Variants in PWWP2B observed in about 807,000 individuals in gnomAD.
The protein encoded by PWWP2B is PWWP domain-containing protein 2B.
A neutral mutation model predicts 15.5 loss-of-function variants in PWWP2B; 9 were observed. The ratio of observed to expected loss-of-function variants is 0.58; its 90% CI spans 0.35 to 1.02. PWWP2B has a LOEUF of 1.02. PWWP2B is among the 50% of genes least tolerant of loss of function. The pLI is 0.02. For missense variants in PWWP2B, 864 were observed against 865.3 expected (o/e 1.00, Z 0.02); for synonymous variants, 474 against 403.6 (o/e 1.17, Z -2.09).
At chr10:132,400,324 G>C (rs74163904) in intron 1 of PWWP2B, among the ~76,000 whole-genome samples, 7,352 of 152,238 alleles carry the variant, frequency 0.048, 591 homozygotes, top group African/African-American at 0.17. Context: ...GGTAAGGAGG[G>C]TGTGGGGTGG....
intron 2 of PWWP2B, among the ~76,000 whole-genome samples, chr10:132,408,604 C>A (rs1190257345): frequency 6.6e-6 from 1 of 152,240 alleles, no homozygotes; most frequent in East Asian, 1.9e-4. Flanking sequence ...CTGGCCCCAG[C>A]CGCTCCTGCA....
At chr10:132,411,883 A>G (rs2069786728) in intron 2 of PWWP2B, among the ~76,000 whole-genome samples, 1 of 152,104 alleles carries the variant, frequency 6.6e-6, no homozygotes, top group African/African-American at 2.4e-5. Context: ...TCTAAATAAA[A>G]ACGCTCTTCT....
intron 1 of PWWP2B, among the ~76,000 whole-genome samples, chr10:132,401,649 T>G (rs1418428872): frequency 6.6e-6 from 1 of 152,212 alleles, no homozygotes; most frequent in Non-Finnish European, 1.5e-5. Context: ...CGTCCCAGGG[T>G]CCAGGATAAG....
At position 132,405,310 on chromosome 10, in the gene PWWP2B, C is replaced by G; in HGVS notation, c.810C>G (p.Pro270=). 6.2e-7 allele frequency: 1 copy of G among 1,612,222 alleles called. No homozygotes were observed. The highest frequency in any genetic ancestry group is 8.5e-7 in the Non-Finnish European group (1 of 1,179,732). The part of the protein sequence containing the change: ...PQGKGEVVKI[P]SRVHGSLEPF... Reference sequence around the variant, plus strand: ...GCAAGGGAGAGGTGGTCAAGATCCCCTCCCGCGTGCACGGCTCTCTGGAGC... The same window carrying G: ...GCAAGGGAGAGGTGGTCAAGATCCCGTCCCGCGTGCACGGCTCTCTGGAGC... The change falls in exon 2 of 3, where the codon CCC becomes CCG. Residue 270 remains proline, a synonymous_variant. Transcript: ENST00000305233.
At chr10:132,397,386 T>A in intron 1 of PWWP2B, 35 bp downstream of exon 1, 1 of 1,188,292 alleles carries the variant, frequency 8.4e-7, no homozygotes, top group Non-Finnish European at 1.1e-6. Flanking sequence ...ACCCCCGGGG[T>A]CCCCACGCGA....
In PWWP2B at chr10:132,397,371, G is replaced by T; in HGVS notation, c.125+20G>T. ...GAAAAAGTGAGCGGGGGCGCGGGCC[G>T]GGACACCCCCGGGGTCCCCACGCGA... On this transcript the variant is annotated intron_variant, in intron 1 of 2. Transcript: ENST00000305233. 7.9e-7 allele frequency: 1 copy of T among 1,271,756 alleles called. No homozygotes were observed. The highest frequency in any genetic ancestry group is 3.2e-5 in the East Asian group (1 of 31,064). The allele number at this position is 1,271,756 out of a possible 1,614,324, so 78.8% of individuals were successfully genotyped here. A position where few individuals can be genotyped will look rare whatever the true frequency, so the allele number is the denominator to read the frequency against.
intron 1 of PWWP2B, among the ~76,000 whole-genome samples, chr10:132,404,176 C>G (rs536777402): frequency 6.6e-6 from 1 of 152,134 alleles, no homozygotes; most frequent in African/African-American, 2.4e-5. Flanking sequence ...AGTCCCCCAG[C>G]CCCTCGGAGA....
chr10:132,410,951 G>T (rs576333821), intron 2 of PWWP2B, among the ~76,000 whole-genome samples: 1 of 152,316 alleles, frequency 6.6e-6, no homozygotes, highest in Admixed American at 6.5e-5. Flanking sequence ...ACTTTTGGGG[G>T]CGTACCCAGC....
rs535576674 is a variant in PWWP2B at position 132,405,763 on chromosome 10, G to A, written c.1263G>A (p.Ser421=). ...PEGRADCASE[S]ACSSDSLDEA... is the part of the protein sequence containing the mutation. ...GGAGAGCGGACTGTGCCAGTGAGTC[G>A]GCGTGCAGCAGCGACAGCCTGGACG... The change falls in exon 2 of 3, where the codon TCG becomes TCA. Residue 421 remains serine (S), a synonymous_variant. Coordinates refer to ENST00000305233, the MANE Select transcript of PWWP2B (RefSeq NM_138499.4). The A allele has an allele frequency of 1.8e-5, 29 of 1,607,380 alleles. No homozygotes were observed. In the East Asian group the frequency reaches 2.9e-4, roughly 16 times the overall value.
At position 132,405,080 on chromosome 10, in the gene PWWP2B, C is replaced by T. The variant is rs1590759517; in HGVS notation, c.580C>T (p.Pro194Ser). 2.6e-6 allele frequency: 4 copies of T among 1,528,056 alleles called. No homozygotes were observed. The highest frequency in any genetic ancestry group is 3.5e-6 in the Non-Finnish European group (4 of 1,139,352). 94.7% of individuals were successfully genotyped at this position (1,528,056 alleles called of 1,614,324 possible). The change falls in exon 2 of 3, where the codon CCC (proline) becomes TCC (serine). Residue 194 changes from proline (P) to serine (S), a missense_variant. Coordinates refer to ENST00000305233, the MANE Select transcript of PWWP2B (RefSeq NM_138499.4). Reference protein sequence around the residue: ...TLSPPEASPGPPAAPRARRRL... With the variant: ...TLSPPEASPGSPAAPRARRRL... ...GAGCCCCCCGGAGGCCAGCCCCGGA[C>T]CCCCAGCCGCGCCCAGGGCCCGCAG...
intron 2 of PWWP2B, among the ~76,000 whole-genome samples, chr10:132,412,821 G>C (rs1439489387): frequency 6.6e-6 from 1 of 152,278 alleles, no homozygotes; most frequent in Non-Finnish European, 1.5e-5. Context: ...GCTCCTTCCA[G>C]CGTGGCCGAG....
chr10:132,397,679 C>G (rs1337570480), intron 1 of PWWP2B, among the ~76,000 whole-genome samples: 1 of 152,048 alleles, frequency 6.6e-6, no homozygotes, highest in African/African-American at 2.4e-5. Context: ...TTGAATTCGA[C>G]TGTTGGCAGA....
At position 132,403,293 on chromosome 10, in the gene PWWP2B, C is replaced by T. The variant is rs529488951; in HGVS notation, c.126-1333C>T. Reference sequence around the variant, plus strand: ...CACTGCTGTGCCCTCCCCGGCGAGTCGCAATGCTGTGTTGCTTTTCTGTCT... The same window carrying T: ...CACTGCTGTGCCCTCCCCGGCGAGTTGCAATGCTGTGTTGCTTTTCTGTCT... On this transcript the variant is annotated intron_variant, in intron 1 of 2. Coordinates refer to ENST00000305233, the MANE Select transcript of PWWP2B (RefSeq NM_138499.4). Among the ~76,000 whole-genome samples the T allele has an allele frequency of 1.9e-4, 29 of 152,274 alleles. 1 individual carries two copies. The South Asian group carries it at 3.7e-3, about 20-fold the overall frequency.
At chr10:132,410,091 C>T (rs192472610) in intron 2 of PWWP2B, among the ~76,000 whole-genome samples, 2 of 152,294 alleles carry the variant, frequency 1.3e-5, no homozygotes, top group Non-Finnish European at 2.9e-5. Flanking sequence ...TTAAAAAAAT[C>T]TGATAGCTTT....
chr10:132,397,310 C>G lies in PWWP2B; in HGVS notation c.84C>G (p.Gly28=). 7.0e-7 allele frequency: 1 copy of G among 1,432,076 alleles called. No individual in the cohort carries two copies. The highest frequency in any genetic ancestry group is 9.2e-7 in the Non-Finnish European group (1 of 1,082,736). The allele number at this position is 1,432,076 out of a possible 1,614,324, so 88.7% of individuals were successfully genotyped here. Residue 28 remains glycine, a synonymous_variant, in exon 1 of 3, where the codon GGC becomes GGG. Coordinates refer to ENST00000305233, the MANE Select transcript of PWWP2B (RefSeq NM_138499.4). ...CGCTGGTGGTCACGGTGAGCTGCGG[C>G]GAGCGGAGCTTCGCGGGGATCCTGC... is the stretch of plus-strand genomic sequence containing the variant. ...NGALVVTVSC[G]ERSFAGILLD...
intron 1 of PWWP2B, among the ~76,000 whole-genome samples, chr10:132,401,048 G>T (rs2133146932): frequency 6.6e-6 from 1 of 152,362 alleles, no homozygotes; most frequent in South Asian, 2.1e-4. Flanking sequence ...CTCAGGCCTG[G>T]GCCTTTCTGG....
intron 2 of PWWP2B, among the ~76,000 whole-genome samples, chr10:132,415,640 C>CA (rs749383764): frequency 2.4e-5 from 3 of 123,884 alleles, no homozygotes; most frequent in Non-Finnish European, 3.4e-5. Flanking sequence ...CACTCACACA[C>CA]CCACTCACAC....
chr10:132,404,982 C>T lies in PWWP2B; in HGVS notation c.482C>T (p.Pro161Leu), dbSNP rs772844367. 120 of 1,572,984 alleles carry T rather than the reference C, an allele frequency of 7.6e-5. No individual in the cohort carries two copies. Among genetic ancestry groups the T allele is most frequent in the Non-Finnish European group, 9.5e-5 (111 of 1,167,232 alleles). Reference protein sequence around the residue: ...TRRRLSRNRDPGRLILSTIRL... With the variant: ...TRRRLSRNRDLGRLILSTIRL... Reference sequence around the variant, plus strand: ...CGGCGTCTGTCCCGCAACCGCGACCCGGGGCGCCTCATCCTCAGCACCATC... The same window carrying T: ...CGGCGTCTGTCCCGCAACCGCGACCTGGGGCGCCTCATCCTCAGCACCATC... The change falls in exon 2 of 3, where the codon CCG (proline) becomes CTG (leucine). Residue 161 changes from proline to leucine, a missense_variant. Physicochemically the swap from Pro to Leu is moderately conservative, Grantham distance 98. Around this residue, in one of 2 missense-constraint regions of PWWP2B, gnomAD observed 736 missense variants for 687.7 expected, o/e 1.07. Transcript: ENST00000305233.
intron 2 of PWWP2B, among the ~76,000 whole-genome samples, chr10:132,406,614 G>T (rs1166869793): frequency 6.6e-6 from 1 of 152,254 alleles, no homozygotes; most frequent in Non-Finnish European, 1.5e-5. Flanking sequence ...TTGGAGTCAG[G>T]GATGTGGTTT....
Sources: allele counts gnomAD v4.1 joint callset (sites outside exome capture counted in the v4.1 genomes callset), GRCh38; gene constraint gnomAD v4.1.1; regional missense constraint gnomAD v4.1.1; transcripts MANE v1.5; gene names NCBI Gene and HGNC (gene_info 2026-07-23, HGNC 2026-07-21).